The following TOX2 variants were observed in gnomAD, a reference collection of about 807,000 sequenced individuals.
TOX2 encodes the protein TOX high mobility group box family member 2, also known as granulosa cell HMG box 1.
TOX2 carries 15 observed loss-of-function variants against 47.4 expected under a neutral mutation model. That is an observed-to-expected ratio of 0.32 (90% CI 0.21 to 0.49). The LOEUF is 0.49. TOX2 is among the 20% of genes least tolerant of loss of function. The pLI, the probability that TOX2 is intolerant of heterozygous loss-of-function variation, is 0.99. For missense variants in TOX2, 622 were observed against 673.1 expected, an observed-to-expected ratio of 0.92 and a Z score of 0.84; for synonymous variants, 290 against 296.6, an observed-to-expected ratio of 0.98 and a Z score of 0.23.
intron 3 of TOX2, among the ~76,000 whole-genome samples, chr20:44,031,911 C>T (rs1419124496): frequency 2.6e-5 from 4 of 152,182 alleles, no homozygotes; most frequent in African/African-American, 9.7e-5. Context: ...ACCAGCAACA[C>T]ATCAGTGAAC....
At chr20:44,014,335 G>A (rs1456472376) in intron 3 of TOX2, among the ~76,000 whole-genome samples, 4 of 152,048 alleles carry the variant, frequency 2.6e-5, no homozygotes, top group Admixed American at 2.6e-4. Flanking sequence ...CAGAGTAAGG[G>A]GTGGAGAAAT....
rs2145822235 is a variant in TOX2, at chr20:43,915,418, G to GC, written c.99+432dup. 6.6e-6 allele frequency among the ~76,000 whole-genome samples: 1 copy of GC among 152,208 alleles called. No individual in the cohort carries two copies. Among genetic ancestry groups the GC allele is most frequent in the African/African-American group, 2.4e-5 (1 of 41,540 alleles). On this transcript the variant is annotated intron_variant, in intron 1 of 8. Transcript: ENST00000341197. This position sits in a 1 kb window ranked among gnomAD's most constrained non-coding sequence, Gnocchi z 7.1. ...ACGAGTCACCCACAGACGCTCCGAT[G>GC]CCCCACACACCGTGACATGCCCCCA...
chr20:44,030,926 T>C (rs1295010229), intron 3 of TOX2, among the ~76,000 whole-genome samples: 1 of 152,170 alleles, frequency 6.6e-6, no homozygotes, highest in Non-Finnish European at 1.5e-5. Flanking sequence ...TCTGCACAAT[T>C]AAAAAGCATT....
chr20:43,927,481 A>G lies in TOX2; in HGVS notation c.99+12491A>G, dbSNP rs1250774609. Among the ~76,000 whole-genome samples, 63 of 148,010 alleles carry G rather than the reference A, an allele frequency of 4.3e-4. 1 individual carries two copies. Among genetic ancestry groups the G allele is most frequent in the Admixed American group, 4.2e-3 (63 of 14,872 alleles). ...ATAACACACACACACACACACACAC[A>G]CACACACACACACACACACACACAC... On this transcript the variant is annotated intron_variant, in intron 1 of 8. Transcript: ENST00000341197.
At chr20:43,949,585 A>G (rs565321484) in intron 1 of TOX2, among the ~76,000 whole-genome samples, 3 of 152,054 alleles carry the variant, frequency 2.0e-5, no homozygotes, top group Admixed American at 6.6e-5. Flanking sequence ...CTGTCCTGCC[A>G]CCTCCTAAAT....
Position 44,068,778 on chromosome 20 carries a change from G to T in TOX2, c.*92G>T. The T allele has an allele frequency of 6.4e-7, 1 of 1,558,500 alleles. No homozygotes were observed. ...AGAAAAGAGGCCCTGGCCAGAGGCA[G>T]GGTGGCCCATCGGAGAGAGCAGTGA... On this transcript the variant is annotated 3_prime_UTR_variant, in exon 9 of 9. Coordinates refer to ENST00000341197, the MANE Select transcript of TOX2 (RefSeq NM_001098797.2).
intron 3 of TOX2, among the ~76,000 whole-genome samples, chr20:44,028,651 C>A (rs546964022): frequency 1.3e-5 from 2 of 151,972 alleles, no homozygotes; most frequent in East Asian, 1.9e-4. Context: ...GACAAAGACG[C>A]AAAGGAGTAA....
intron 2 of TOX2, among the ~76,000 whole-genome samples, chr20:43,997,970 A>C (rs1208852341): frequency 6.6e-6 from 1 of 152,178 alleles, no homozygotes; most frequent in Non-Finnish European, 1.5e-5. Flanking sequence ...TCACATTGCT[A>C]GAAAACTACC....
At chr20:44,012,639 C>T (rs2070797155) in intron 3 of TOX2, among the ~76,000 whole-genome samples, 1 of 152,158 alleles carries the variant, frequency 6.6e-6, no homozygotes, top group Admixed American at 6.5e-5. Context: ...TACTTCTCTC[C>T]CAGCCTCAGT....
chr20:44,065,578 G>A, intron 6 of TOX2, 134 bp from the exon 7 acceptor site: 1 of 1,037,600 alleles, frequency 9.6e-7, no homozygotes. Flanking sequence ...GCTATCTCTG[G>A]TTAGTCCAAG....
chr20:43,919,180 A>G (rs1197980528), intron 1 of TOX2, among the ~76,000 whole-genome samples: 1 of 152,238 alleles, frequency 6.6e-6, no homozygotes, highest in Non-Finnish European at 1.5e-5. Flanking sequence ...GCCATCCATC[A>G]TTCTACCAAA....
chr20:44,042,705 C>T (rs545954499), intron 3 of TOX2, among the ~76,000 whole-genome samples: 216 of 152,208 alleles, frequency 1.4e-3, no homozygotes, highest in African/African-American at 4.8e-3. Context: ...AACTTTGAGA[C>T]TCAAAAAAGC....
At chr20:44,042,282 C>T (rs1420602333) in intron 3 of TOX2, among the ~76,000 whole-genome samples, 1 of 152,238 alleles carries the variant, frequency 6.6e-6, no homozygotes, top group Non-Finnish European at 1.5e-5. Flanking sequence ...AATTCGATTA[C>T]CTCCCATTGG....
At chr20:43,977,307 C>T (rs1207554575) in intron 2 of TOX2, among the ~76,000 whole-genome samples, 1 of 152,176 alleles carries the variant, frequency 6.6e-6, no homozygotes, top group Non-Finnish European at 1.5e-5. Flanking sequence ...GACAGGGTTT[C>T]ACCATGTTGG....
In TOX2 at chr20:44,069,127, T is replaced by C. The variant is rs2071892674; in HGVS notation, c.*441T>C. The C allele has an allele frequency of 2.8e-6, 1 of 355,662 alleles. No individual in the cohort carries two copies. The highest frequency in any genetic ancestry group is 5.5e-6 in the Non-Finnish European group (1 of 180,518). The allele number at this position is 355,662 out of a possible 1,614,324, so 22.0% of individuals were successfully genotyped here. On this transcript the variant is annotated 3_prime_UTR_variant, in exon 9 of 9. Transcript: ENST00000341197. ...CGGTTTTCCAGTGTGAACAAAAGAT[T>C]ACGAAACCTAGAAACTGTTGGTTCC...
chr20:43,981,540 C>G (rs1214648695), intron 2 of TOX2, among the ~76,000 whole-genome samples: 7 of 152,276 alleles, frequency 4.6e-5, no homozygotes, highest in African/African-American at 1.7e-4. Flanking sequence ...GGTATGGGAA[C>G]TGTGCAGGTG....
At chr20:43,955,109 T>TGC in intron 1 of TOX2, 1 of 357,996 alleles carries the variant, frequency 2.8e-6, no homozygotes, top group East Asian at 1.7e-4. Context: ...TGAATATTCA[T>TGC]ATGTTCCACT....
chr20:44,068,605 G>A (rs746934243), intron 8 of TOX2, 45 bp from the exon 9 acceptor site: 14 of 1,587,000 alleles, frequency 8.8e-6, no homozygotes, highest in South Asian at 3.4e-5. Flanking sequence ...CCCCTGGCCC[G>A]GAGAGGTACC....
chr20:44,015,682 G>A (rs916598235), intron 3 of TOX2, among the ~76,000 whole-genome samples: 1 of 152,180 alleles, frequency 6.6e-6, no homozygotes, highest in Admixed American at 6.5e-5. Flanking sequence ...ATGTACGAGT[G>A]TGAAGTTGAA....
Sources: allele counts gnomAD v4.1 joint callset (sites outside exome capture counted in the v4.1 genomes callset), GRCh38; gene constraint gnomAD v4.1.1; non-coding constraint Gnocchi (gnomAD v3.1); transcripts MANE v1.5; gene names NCBI Gene and HGNC (gene_info 2026-07-23, HGNC 2026-07-21).